RYR2: variants seen among roughly 807,000 people sequenced by gnomAD.
RYR2 encodes ryanodine receptor 2, also known as cardiac muscle ryanodine receptor-calcium release channel.
RYR2 carries 227 observed loss-of-function variants against 601.1 expected under a neutral mutation model. That is an observed-to-expected ratio of 0.38 (90% CI 0.34 to 0.42). The LOEUF (loss-of-function observed/expected upper bound fraction) is 0.42. RYR2 is among the 10% of genes least tolerant of loss of function. The pLI is 1.00. For missense variants in RYR2, 4,646 were observed against 6,156.5 expected, an observed-to-expected ratio of 0.75 and a Z score of 8.21; for synonymous variants, 2,223 against 2,175.1, an observed-to-expected ratio of 1.02 and a Z score of -0.61.
intron 24 of RYR2, among the ~76,000 whole-genome samples, chr1:237,520,679 C>T (rs971961450): frequency 6.6e-6 from 1 of 152,096 alleles, no homozygotes; most frequent in Non-Finnish European, 1.5e-5. Context: ...AACATGCAGC[C>T]TCCCTCCCAA....
intron 78 of RYR2, among the ~76,000 whole-genome samples, chr1:237,733,067 G>C (rs916437333): frequency 4.6e-5 from 7 of 151,870 alleles, no homozygotes; most frequent in Admixed American, 2.6e-4. Flanking sequence ...TCATTCCTAA[G>C]CATAGAGCAA....
At chr1:237,140,932 G>T (rs905475277) in intron 1 of RYR2, among the ~76,000 whole-genome samples, 5 of 152,184 alleles carry the variant, frequency 3.3e-5, no homozygotes, top group Non-Finnish European at 7.3e-5. Context: ...GAGTGCATCT[G>T]CTGTGTTATA....
chr1:237,831,411 G>A (rs1166989602), intron 103 of RYR2, 103 bp from the exon 104 acceptor site: 3 of 665,660 alleles, frequency 4.5e-6, no homozygotes, highest in Admixed American at 5.9e-5. Context: ...TTTTCTCTGT[G>A]CTGGCCATAA....
intron 1 of RYR2, among the ~76,000 whole-genome samples, chr1:237,054,621 G>A (rs1259070738): frequency 6.6e-6 from 1 of 152,120 alleles, no homozygotes; most frequent in Non-Finnish European, 1.5e-5. Flanking sequence ...CTGATGGGCT[G>A]ATATCTCTGT....
chr1:237,287,790 C>A (rs142019218), intron 2 of RYR2, among the ~76,000 whole-genome samples: 1 of 152,128 alleles, frequency 6.6e-6, no homozygotes, highest in African/African-American at 2.4e-5. Flanking sequence ...TAATAACTAA[C>A]CTCCTGAATT....
At chr1:237,728,787 G>T (rs1304608390) in intron 76 of RYR2, among the ~76,000 whole-genome samples, 4 of 151,660 alleles carry the variant, frequency 2.6e-5, no homozygotes, top group African/African-American at 9.7e-5. Flanking sequence ...CCTGTCGGGG[G>T]GTGGGGGCAA....
intron 3 of RYR2, among the ~76,000 whole-genome samples, chr1:237,332,069 T>G (rs570824339): frequency 2.6e-5 from 4 of 152,328 alleles, no homozygotes; most frequent in East Asian, 1.9e-4. Flanking sequence ...GAGAGAAAAC[T>G]GAAAATTTTA....
chr1:237,430,233 GT>G (rs1448048464), intron 12 of RYR2, among the ~76,000 whole-genome samples: 9 of 150,446 alleles, frequency 6.0e-5, no homozygotes, highest in African/African-American at 1.7e-4. Flanking sequence ...TGTTGAATAT[GT>G]TATATACATA....
intron 92 of RYR2, among the ~76,000 whole-genome samples, chr1:237,789,998 G>T (rs1486505604): frequency 6.6e-6 from 1 of 152,170 alleles, no homozygotes; most frequent in African/African-American, 2.4e-5. Context: ...GAAATGACAC[G>T]AACAGAGATG....
intron 58 of RYR2, among the ~76,000 whole-genome samples, chr1:237,670,003 A>C (rs527717350): frequency 0.011 from 1,679 of 152,190 alleles, 32 homozygotes; most frequent in African/African-American, 0.038. Flanking sequence ...GGCACCATTG[A>C]GCACTGAGTG....
chr1:237,323,915 G>C (rs1469615354), intron 2 of RYR2, among the ~76,000 whole-genome samples: 1 of 152,152 alleles, frequency 6.6e-6, no homozygotes, highest in South Asian at 2.1e-4. Context: ...TGACCTGAAC[G>C]AATGAGTTGA....
intron 1 of RYR2, among the ~76,000 whole-genome samples, chr1:237,043,753 A>G (rs1660217917): frequency 6.6e-6 from 1 of 152,040 alleles, no homozygotes. Flanking sequence ...AAACAAAACA[A>G]AACAAAACAA....
At chr1:237,816,700 A>G (rs1661875879) in intron 100 of RYR2, among the ~76,000 whole-genome samples, 1 of 152,112 alleles carries the variant, frequency 6.6e-6, no homozygotes, top group African/African-American at 2.4e-5. Flanking sequence ...AAAGAAAAAA[A>G]AAAAAAGGAA....
chr1:237,132,605 C>CA (rs1237123878), intron 1 of RYR2, among the ~76,000 whole-genome samples: 11 of 151,952 alleles, frequency 7.2e-5, no homozygotes, highest in Admixed American at 5.2e-4. Context: ...CAAAGAATGG[C>CA]AAAAAATGAC....
chr1:237,621,715 G>A (rs143893187), intron 38 of RYR2, among the ~76,000 whole-genome samples: 6 of 152,080 alleles, frequency 3.9e-5, no homozygotes, highest in African/African-American at 9.6e-5. Context: ...ACATCACATG[G>A]TACCTCATAA....
At chr1:237,110,081 T>C (rs1414466994) in intron 1 of RYR2, among the ~76,000 whole-genome samples, 1 of 152,156 alleles carries the variant, frequency 6.6e-6, no homozygotes, top group African/African-American at 2.4e-5. Context: ...ATTTTCTTTG[T>C]GGAATGATAG....
chr1:237,260,130 T>G (rs1040208659), intron 1 of RYR2, among the ~76,000 whole-genome samples: 2 of 152,068 alleles, frequency 1.3e-5, no homozygotes, highest in Admixed American at 6.6e-5. Flanking sequence ...TGAAAGTACA[T>G]CAAAGAAACA....
chr1:237,438,001 T>G (rs1707566684), intron 12 of RYR2, among the ~76,000 whole-genome samples: 1 of 148,566 alleles, frequency 6.7e-6, no homozygotes, highest in Non-Finnish European at 1.5e-5. Context: ...ATACTTAAGC[T>G]AGAGTGTTTT....
chr1:237,252,301 A>G (rs1687538850), intron 1 of RYR2, among the ~76,000 whole-genome samples: 1 of 151,626 alleles, frequency 6.6e-6, no homozygotes, highest in Non-Finnish European at 1.5e-5. Flanking sequence ...GACATTTCCT[A>G]CTGCAGAGCT....
Sources: allele counts gnomAD v4.1 joint callset (sites outside exome capture counted in the v4.1 genomes callset), GRCh38; gene constraint gnomAD v4.1.1; transcripts MANE v1.5; gene names NCBI Gene and HGNC (gene_info 2026-07-23, HGNC 2026-07-21).